The following GUK1 variants were observed in gnomAD, a reference collection of about 807,000 sequenced individuals.
GUK1 encodes the protein guanylate kinase.
GUK1 carries 18 observed loss-of-function variants against 25.2 expected under a neutral mutation model. The observed-to-expected ratio is 0.71, with a 90% CI of 0.49 to 1.06. GUK1 has a LOEUF of 1.06. Among genes scored for constraint, GUK1 ranks in the 50% least tolerant of loss-of-function variants. GUK1 has a pLI of 0.00. For missense variants in GUK1, 261 were observed against 276.7 expected (o/e 0.94, Z 0.40); for synonymous variants, 105 against 117.6 (o/e 0.89, Z 0.69).
rs547279605 is a variant in GUK1, at chr1:228,141,292, A to C, written c.-3+4A>C. 1.0e-6 allele frequency: 1 copy of C among 978,844 alleles called. No homozygotes were observed. Among genetic ancestry groups the C allele is most frequent in the Non-Finnish European group, 1.2e-6 (1 of 823,960 alleles). 60.6% of individuals were successfully genotyped at this position (978,844 alleles called of 1,614,324 possible). ...AAGAGCCCGATTTCCTCAGGAGGTA[A>C]AGGAATGTTCCTGTCCCCCCCGGGG... On this transcript the variant is annotated splice_donor_region_variant and intron_variant, in intron 2 of 8. Transcript: ENST00000312726.
chr1:228,146,153 GTC>G, intron 4 of GUK1, 86 bp downstream of exon 3: 1 of 873,560 alleles, frequency 1.1e-6, no homozygotes, highest in Non-Finnish European at 1.9e-6. Flanking sequence ...TGTGCTGCCC[GTC>G]TCCTGCCCCC....
intron 3 of GUK1, 109 bp from the exon 3 acceptor site, chr1:228,145,917 C>G (rs1475377179): frequency 1.2e-6 from 1 of 859,690 alleles, no homozygotes; most frequent in Non-Finnish European, 2.0e-6. Context: ...GTGTGCTTCA[C>G]TGGCTGCCTG....
At position 228,148,893 on chromosome 1, in the gene GUK1, TCTCA is replaced by T; in HGVS notation, c.*200_*203del. The T allele has an allele frequency of 7.2e-7, 1 of 1,384,652 alleles. No homozygotes were observed. The highest frequency in any genetic ancestry group is 1.4e-5 in the African/African-American group (1 of 69,938). The allele number at this position is 1,384,652 out of a possible 1,614,324, so 85.8% of individuals were successfully genotyped here. On this transcript the variant is annotated 3_prime_UTR_variant, in exon 9 of 9. Coordinates refer to ENST00000312726, the MANE Select transcript of GUK1 (RefSeq NM_000858.7). Reference sequence around the variant, plus strand: ...CGCTGGGCTGTCCCCTGTCCCTATCTCTCACTCTGGACCCAGGGCTGACATCCTA... The same window carrying T: ...CGCTGGGCTGTCCCCTGTCCCTATCTCTCTGGACCCAGGGCTGACATCCTA...
chr1:228,146,001 G>A (rs372384521), intron 3 of GUK1, 25 bp from the exon 3 acceptor site: 64 of 1,594,870 alleles, frequency 4.0e-5, no homozygotes, highest in Non-Finnish European at 4.8e-5. Flanking sequence ...AGCAGCCCCC[G>A]ATGGGTGACA....
intron 7 of GUK1, 87 bp downstream of exon 6, chr1:228,147,786 A>G: frequency 8.8e-7 from 1 of 1,135,048 alleles, no homozygotes; most frequent in Non-Finnish European, 1.3e-6. Flanking sequence ...GTGGGTCCCC[A>G]GACCTCCTGA....
rs1422501889 is a variant in GUK1 at position 228,148,878 on chromosome 1, T to TC, written c.*185dup. On this transcript the variant is annotated 3_prime_UTR_variant, in exon 9 of 9. Transcript: ENST00000312726. ...CCCCCGACCCAGCCTCGCTGGGCTG[T>TC]CCCCTGTCCCTATCTCTCACTCTGG... 2.0e-6 allele frequency: 3 copies of TC among 1,476,458 alleles called. No individual in the cohort carries two copies. Among genetic ancestry groups the TC allele is most frequent in the Non-Finnish European group, 2.8e-6 (3 of 1,087,828 alleles). The allele number at this position is 1,476,458 out of a possible 1,614,324, so 91.5% of individuals were successfully genotyped here.
chr1:228,145,685 A>G, intron 3 of GUK1, 61 bp downstream of exon 2: 1 of 1,565,346 alleles, frequency 6.4e-7, no homozygotes, highest in Non-Finnish European at 8.7e-7. Context: ...TAGTCCTAGC[A>G]CCGTGAGCAG....
In GUK1 at chr1:228,148,877, G is replaced by A; in HGVS notation, c.*180G>A. 6.8e-7 allele frequency: 1 copy of A among 1,480,672 alleles called. No homozygotes were observed. Among genetic ancestry groups the A allele is most frequent in the Non-Finnish European group, 9.2e-7 (1 of 1,091,860 alleles). 91.7% of individuals were successfully genotyped at this position (1,480,672 alleles called of 1,614,324 possible). A position where few individuals can be genotyped will look rare whatever the true frequency, so the allele number is the denominator to read the frequency against. Reference sequence around the variant, plus strand: ...ACCCCCGACCCAGCCTCGCTGGGCTGTCCCCTGTCCCTATCTCTCACTCTG... The same window carrying A: ...ACCCCCGACCCAGCCTCGCTGGGCTATCCCCTGTCCCTATCTCTCACTCTG... On this transcript the variant is annotated 3_prime_UTR_variant, in exon 9 of 9. Transcript: ENST00000312726.
At chr1:228,145,929 A>G (rs113984454) in intron 3 of GUK1, 97 bp from the exon 3 acceptor site, 5 of 922,896 alleles carry the variant, frequency 5.4e-6, no homozygotes, top group African/African-American at 4.9e-5. Context: ...GGCTGCCTGC[A>G]TCCTGGGGCT....
In GUK1 at chr1:228,145,340, A is replaced by C. The variant is rs555937041; in HGVS notation, c.-2-171A>C. ...CGCCCTGTGCATGCCGGCCCTTCCA[A>C]CGTGGCAGAGCTCAGGGGGAAGAAC... On this transcript the variant is annotated intron_variant, in intron 2 of 8. Coordinates refer to ENST00000312726, the MANE Select transcript of GUK1 (RefSeq NM_000858.7). 1.1e-5 allele frequency: 7 copies of C among 619,636 alleles called. No homozygotes were observed. In the East Asian group the frequency reaches 2.2e-4, roughly 20 times the overall value. The allele number at this position is 619,636 out of a possible 1,614,324, so 38.4% of individuals were successfully genotyped here. A position where few individuals can be genotyped will look rare whatever the true frequency, so the allele number is the denominator to read the frequency against.
At position 228,141,346 on chromosome 1, in the gene GUK1, C is replaced by T. The variant is rs941240522; in HGVS notation, c.-3+58C>T. 1.0e-5 allele frequency: 8 copies of T among 773,526 alleles called. No individual in the cohort carries two copies. In the African/African-American group the frequency reaches 1.5e-4, roughly 15 times the overall value. 47.9% of individuals were successfully genotyped at this position (773,526 alleles called of 1,614,324 possible). On this transcript the variant is annotated intron_variant, in intron 2 of 8. Coordinates refer to ENST00000312726, the MANE Select transcript of GUK1 (RefSeq NM_000858.7). ...GAAAGTGAAAATGAAAGCGCCCTGG[C>T]TGCTCCTGGTGTGGTCCCATTTAAA...
chr1:228,140,333 G>A lies in GUK1; in HGVS notation c.-198G>A. ...GCGGCGCCCGCTGGCCGGGCTGGCT[G>A]CGGCCGCCCTGGGCCGGGCCCCACC... On this transcript the variant is annotated 5_prime_UTR_variant, in exon 1 of 9. Coordinates refer to ENST00000312726, the MANE Select transcript of GUK1 (RefSeq NM_000858.7). 1 of 1,529,810 alleles carries A rather than the reference G, an allele frequency of 6.5e-7. No homozygotes were observed. Among genetic ancestry groups the A allele is most frequent in the Non-Finnish European group, 8.7e-7 (1 of 1,145,022 alleles). The allele number at this position is 1,529,810 out of a possible 1,614,324, so 94.8% of individuals were successfully genotyped here. A position where few individuals can be genotyped will look rare whatever the true frequency, so the allele number is the denominator to read the frequency against.
In GUK1 at chr1:228,146,075, G is replaced by C. The variant is rs1204616153; in HGVS notation, c.154+8G>C. ...GCGAGGAGAACGGCAAAGGTGAGTG[G>C]GGTGGGGCCCTATGGCTGGAGCACC... On this transcript the variant is annotated splice_region_variant and intron_variant, in intron 4 of 8. Coordinates refer to ENST00000312726, the MANE Select transcript of GUK1 (RefSeq NM_000858.7). 5 of 1,602,846 alleles carry C rather than the reference G, an allele frequency of 3.1e-6. No individual in the cohort carries two copies. In the East Asian group the frequency reaches 1.1e-4, roughly 36 times the overall value.
Position 228,145,495 on chromosome 1 carries a change from C to T in GUK1, c.-2-16C>T, listed in dbSNP as rs200162832. The stretch of plus-strand genomic sequence containing the variant: ...GAGGCCGCACTGCTATCCACAGCCT[C>T]TCTTCTCACCCCCAGGCATGTCGGG... On this transcript the variant is annotated splice_polypyrimidine_tract_variant and intron_variant, in intron 2 of 8. Coordinates refer to ENST00000312726, the MANE Select transcript of GUK1 (RefSeq NM_000858.7). 6.3e-7 allele frequency: 1 copy of T among 1,598,922 alleles called. No individual in the cohort carries two copies. Among genetic ancestry groups the T allele is most frequent in the Non-Finnish European group, 8.5e-7 (1 of 1,172,698 alleles).
In GUK1 at chr1:228,147,568, G is replaced by A. The variant is rs142323285; in HGVS notation, c.390+24G>A. ...TGGTGTGTGCTGGGCAGGGTTGGGG[G>A]CTGGGGGCCAGGGCATGCCAGGCTC... On this transcript the variant is annotated intron_variant, in intron 6 of 8. Transcript: ENST00000312726. The A allele has an allele frequency of 1.9e-6, 3 of 1,612,996 alleles. No homozygotes were observed. In the South Asian group the frequency reaches 3.3e-5, roughly 18 times the overall value.
chr1:228,140,398 G>A (rs986996943), intron 1 of GUK1, 35 bp downstream of exon 1: 1 of 1,432,378 alleles, frequency 7.0e-7, no homozygotes, highest in Non-Finnish European at 9.2e-7. Flanking sequence ...AGGGTGACTC[G>A]GGTCGAGGCG....
chr1:228,146,812 GC>G, intron 4 of GUK1, 29 bp from the exon 4 acceptor site: 2 of 1,474,702 alleles, frequency 1.4e-6, no homozygotes, highest in East Asian at 2.3e-5. Context: ...GGTCCAGTCT[GC>G]CCTCTGGATG....
chr1:228,141,701 G>A (rs755738003), intron 2 of GUK1: 1 of 1,303,924 alleles, frequency 7.7e-7, no homozygotes, highest in African/African-American at 1.5e-5. Context: ...GAAAGCGGCT[G>A]CTGGGGCAGC....
intron 2 of GUK1, chr1:228,141,565 A>C (rs950727296): frequency 2.3e-6 from 2 of 887,750 alleles, no homozygotes; most frequent in African/African-American, 3.7e-5. Flanking sequence ...TCAGAAGGTC[A>C]AGCCCTCTGT....
Sources: allele counts gnomAD v4.1 joint callset, GRCh38; gene constraint gnomAD v4.1.1; transcripts MANE v1.5; gene names NCBI Gene and HGNC (gene_info 2026-07-23, HGNC 2026-07-21).